Variants in PCDH9 observed in about 807,000 individuals in gnomAD.
The protein encoded by PCDH9 is protocadherin 9, also known as protocadherin-9.
PCDH9 carries 24 observed loss-of-function variants against 70.6 expected under a neutral mutation model. The ratio of observed to expected loss-of-function variants is 0.34; its 90% confidence interval spans 0.25 to 0.48. The LOEUF (loss-of-function observed/expected upper bound fraction) is 0.48, where lower values mean the gene tolerates loss of function less well. PCDH9 is among the 20% of genes least tolerant of loss of function. PCDH9 has a pLI of 0.99. For missense variants in PCDH9, 1,281 were observed against 1,503.6 expected, an observed-to-expected ratio of 0.85 and a Z score of 2.45; for synonymous variants, 562 against 558.5, an observed-to-expected ratio of 1.01 and a Z score of -0.09.
intron 3 of PCDH9, among the ~76,000 whole-genome samples, chr13:66,767,385 C>T (rs1366457891): frequency 1.3e-5 from 2 of 152,098 alleles, no homozygotes; most frequent in Non-Finnish European, 2.9e-5. Flanking sequence ...CATTCCATGT[C>T]GCATTCAAGA....
At chr13:66,967,121 T>C (rs945483815) in intron 2 of PCDH9, among the ~76,000 whole-genome samples, 4 of 152,050 alleles carry the variant, frequency 2.6e-5, no homozygotes, top group Admixed American at 1.3e-4. Flanking sequence ...AAGTATACTA[T>C]ACTCTGTCAA....
intron 4 of PCDH9, among the ~76,000 whole-genome samples, chr13:66,549,416 G>A (rs946229348): frequency 1.3e-5 from 2 of 151,936 alleles, no homozygotes; most frequent in African/African-American, 2.4e-5. Context: ...CACATCATCA[G>A]TGTCTTACAT....
At chr13:67,042,674 C>G (rs1002427185) in intron 2 of PCDH9, among the ~76,000 whole-genome samples, 1 of 152,128 alleles carries the variant, frequency 6.6e-6, no homozygotes, top group Non-Finnish European at 1.5e-5. Flanking sequence ...CATTCAAAAA[C>G]AAATATTGCT....
chr13:66,995,050 C>T (rs1279759538), intron 2 of PCDH9, among the ~76,000 whole-genome samples: 1 of 152,210 alleles, frequency 6.6e-6, no homozygotes, highest in African/African-American at 2.4e-5. Context: ...TGATTGATAA[C>T]ATGTCAGTTT....
intron 3 of PCDH9, among the ~76,000 whole-genome samples, chr13:66,897,100 T>C (rs1458251821): frequency 6.6e-6 from 1 of 152,160 alleles, no homozygotes. Flanking sequence ...TATACTCCCT[T>C]GGACTGTAAT....
chr13:66,573,593 G>A (rs975312568), intron 4 of PCDH9, among the ~76,000 whole-genome samples: 10 of 152,084 alleles, frequency 6.6e-5, no homozygotes, highest in African/African-American at 2.2e-4. Flanking sequence ...TTCTAGCATA[G>A]TATCTGGCAC....
chr13:67,017,585 A>T (rs1302839814), intron 2 of PCDH9, among the ~76,000 whole-genome samples: 5 of 152,202 alleles, frequency 3.3e-5, no homozygotes, highest in African/African-American at 1.2e-4. Flanking sequence ...TTTTGTCTCA[A>T]ACATGAAAGA....
intron 4 of PCDH9, among the ~76,000 whole-genome samples, chr13:66,532,098 C>T (rs1019887236): frequency 9.2e-5 from 14 of 152,078 alleles, no homozygotes; most frequent in African/African-American, 3.1e-4. Context: ...GTGATCCTCC[C>T]ACCTTTGCCT....
intron 4 of PCDH9, among the ~76,000 whole-genome samples, chr13:66,371,310 T>C (rs1331455397): frequency 6.6e-6 from 1 of 152,118 alleles, no homozygotes. Context: ...CCAGTTAACC[T>C]GCCTTTAATA....
At chr13:66,614,958 G>T (rs2077338098) in intron 4 of PCDH9, among the ~76,000 whole-genome samples, 1 of 152,142 alleles carries the variant, frequency 6.6e-6, no homozygotes, top group Admixed American at 6.5e-5. Flanking sequence ...CAAAGGCAGA[G>T]GAGAACAAAG....
At position 66,623,245 on chromosome 13, in the gene PCDH9, C is replaced by T. The variant is rs75363956; in HGVS notation, c.3340+7965G>A. The stretch of plus-strand genomic sequence containing the variant: ...AACACATTGTGTTAACATTTAATTT[C>T]TCAAGCTTCTTAAAGATAAGATGAG... On this transcript the variant is annotated intron_variant, in intron 4 of 4. Coordinates refer to ENST00000377865, the MANE Select transcript of PCDH9 (RefSeq NM_203487.3). 1.5e-4 allele frequency among the ~76,000 whole-genome samples: 23 copies of T among 152,342 alleles called. No homozygotes were observed. The East Asian group carries it at 4.2e-3, about 28-fold the overall frequency.
chr13:67,064,048 GC>G (rs1662232831), intron 2 of PCDH9, among the ~76,000 whole-genome samples: 1 of 151,792 alleles, frequency 6.6e-6, no homozygotes, highest in Non-Finnish European at 1.5e-5. Context: ...AGTTCTCCTG[GC>G]CTCATTGTTA....
At position 66,696,379 on chromosome 13, in the gene PCDH9, CTG is replaced by C. The variant is rs576654788; in HGVS notation, c.3139-64970_3139-64969del. Among the ~76,000 whole-genome samples the C allele has an allele frequency of 2.4e-4, 37 of 152,236 alleles. No homozygotes were observed. In the South Asian group the frequency reaches 4.3e-3, roughly 18 times the overall value. On this transcript the variant is annotated intron_variant, in intron 3 of 4. Transcript: ENST00000377865. ...TAAGAAGGATAACTGAAATATTAAT[CTG>C]TGTTTTTTTATTTCTGCATCTATTT...
intron 4 of PCDH9, among the ~76,000 whole-genome samples, chr13:66,468,644 T>G (rs116824608): frequency 1.6e-4 from 25 of 152,280 alleles, no homozygotes; most frequent in African/African-American, 5.8e-4. Context: ...TTGACTAGTA[T>G]CCTAGTTTAT....
At position 66,435,376 on chromosome 13, in the gene PCDH9, A is replaced by G. The variant is rs544993830; in HGVS notation, c.3341-130348T>C. Among the ~76,000 whole-genome samples the G allele has an allele frequency of 2.6e-5, 4 of 152,288 alleles. No homozygotes were observed. The South Asian group carries it at 8.3e-4, about 32-fold the overall frequency. ...TTACGACATTATCTAGAGCATATAA[A>G]TTAGTTATTAAATGGAGACTACCAG... On this transcript the variant is annotated intron_variant, in intron 4 of 4. Coordinates refer to ENST00000377865, the MANE Select transcript of PCDH9 (RefSeq NM_203487.3).
intron 4 of PCDH9, among the ~76,000 whole-genome samples, chr13:66,525,581 C>T (rs921589461): frequency 6.6e-6 from 1 of 152,024 alleles, no homozygotes; most frequent in Admixed American, 6.6e-5. Context: ...AAACAAACAA[C>T]GAAAGTCCTT....
intron 4 of PCDH9, among the ~76,000 whole-genome samples, chr13:66,332,796 C>A (rs1955966665): frequency 6.6e-6 from 1 of 151,046 alleles, no homozygotes; most frequent in Admixed American, 6.6e-5. Context: ...TTTAGCACAA[C>A]TCTAAAGAAA....
intron 4 of PCDH9, among the ~76,000 whole-genome samples, chr13:66,425,778 C>A (rs1356818737): frequency 6.6e-6 from 1 of 151,582 alleles, no homozygotes; most frequent in Non-Finnish European, 1.5e-5. Flanking sequence ...GTTAGAATGA[C>A]TAATACTTAT....
chr13:66,736,707 T>C (rs2079154335), intron 3 of PCDH9, among the ~76,000 whole-genome samples: 1 of 152,216 alleles, frequency 6.6e-6, no homozygotes, highest in South Asian at 2.1e-4. Flanking sequence ...CAAGCATGGA[T>C]TTCATAATAT....
Sources: gnomAD v4.1 joint callset for allele counts (sites outside exome capture counted in the v4.1 genomes callset) on GRCh38, gnomAD v4.1.1 for gene constraint, MANE v1.5 for transcripts, NCBI Gene and HGNC (gene_info 2026-07-23, HGNC 2026-07-21) for gene names.